KANK1: variants seen among roughly 807,000 people sequenced by gnomAD.
KANK1 encodes the protein KN motif and ankyrin repeat domains 1, also known as KN motif and ankyrin repeat domain-containing protein 1.
A neutral mutation model predicts 106.2 loss-of-function variants in KANK1; 109 were observed. The ratio of observed to expected loss-of-function variants is 1.03; its 90% CI spans 0.88 to 1.20. The LOEUF (loss-of-function observed/expected upper bound fraction) is 1.20, where lower values mean the gene tolerates loss of function less well. KANK1 is among the 50% of genes most tolerant of loss of function. KANK1 has a pLI of 0.00. For synonymous variants in KANK1, 873 were observed against 652.2 expected (o/e 1.34, Z -5.16); for missense variants, 2,399 against 1,710.7 (o/e 1.40, Z -7.10).
At chr9:697,796 A>G (rs1296117994) in intron 2 of KANK1, among the ~76,000 whole-genome samples, 8 of 152,174 alleles carry the variant, frequency 5.3e-5, no homozygotes. Context: ...TGGGGGTTCA[A>G]AAGAGTTTGA....
intron 3 of KANK1, among the ~76,000 whole-genome samples, chr9:473,937 A>G (rs1378768974): frequency 6.6e-6 from 1 of 151,176 alleles, no homozygotes; most frequent in Non-Finnish European, 1.5e-5. Flanking sequence ...TGACCTTGTG[A>G]TCTGCCCACC....
upstream of KANK1, among the ~76,000 whole-genome samples, chr9:503,677 C>T (rs193091498): frequency 1.8e-4 from 28 of 152,298 alleles, no homozygotes; most frequent in Admixed American, 1.6e-3. Flanking sequence ...GCAGAGCTAA[C>T]ATTGTTTTTT....
chr9:524,742 C>T lies in KANK1; in HGVS notation c.-84+19988C>T, dbSNP rs369895306. The stretch of plus-strand genomic sequence containing the variant: ...CATGTTGGCCAGCTGGTCTCAAACT[C>T]CTGACCTCAGGTGATCTGCTGGTCT... On this transcript the variant is annotated intron_variant, in intron 1 of 11. Transcript: ENST00000382297. Among the ~76,000 whole-genome samples the T allele has an allele frequency of 6.1e-4, 93 of 151,606 alleles. 2 individuals carry two copies. The South Asian group carries it at 0.019, about 31-fold the overall frequency.
chr9:534,063 A>AG (rs551186755), intron 1 of KANK1, among the ~76,000 whole-genome samples: 123 of 151,752 alleles, frequency 8.1e-4, no homozygotes, highest in South Asian at 4.0e-3. Flanking sequence ...ATTGGGAGAA[A>AG]GGGGGGGGCA....
chr9:619,416 G>A (rs1036584847), intron 1 of KANK1, among the ~76,000 whole-genome samples: 2 of 152,176 alleles, frequency 1.3e-5, no homozygotes, highest in African/African-American at 4.8e-5. Flanking sequence ...GATGGGTAGA[G>A]TATAATTGTC....
At chr9:625,766 CT>C (rs1429398617) in intron 1 of KANK1, among the ~76,000 whole-genome samples, 6 of 152,130 alleles carry the variant, frequency 3.9e-5, no homozygotes, top group South Asian at 2.1e-4. Context: ...AAACATGGAC[CT>C]GTGCTTTAAA....
intron 2 of KANK1, among the ~76,000 whole-genome samples, chr9:692,679 A>C (rs1820264320): frequency 6.6e-6 from 1 of 150,476 alleles, no homozygotes; most frequent in South Asian, 2.1e-4. Flanking sequence ...TTATGTTATC[A>C]TTTACTTTTG....
At chr9:645,112 A>G (rs1471934868) in intron 1 of KANK1, among the ~76,000 whole-genome samples, 1 of 125,690 alleles carries the variant, frequency 8.0e-6, no homozygotes, top group Non-Finnish European at 1.5e-5. Context: ...CAACGGGGCA[A>G]GACTCCATCT....
intron 1 of KANK1, among the ~76,000 whole-genome samples, chr9:548,761 G>T (rs529144236): frequency 4.1e-4 from 62 of 152,132 alleles, no homozygotes; most frequent in African/African-American, 1.5e-3. Flanking sequence ...GTTTTATAAT[G>T]ACCACGTTAT....
At chr9:671,712 T>C (rs1815172494) in intron 1 of KANK1, among the ~76,000 whole-genome samples, 1 of 151,202 alleles carries the variant, frequency 6.6e-6, no homozygotes, top group African/African-American at 2.4e-5. Context: ...CTCCAAGGAA[T>C]AAGGTTGCAA....
At chr9:596,117 GTT>G (rs1301960631) in intron 1 of KANK1, among the ~76,000 whole-genome samples, 2 of 151,804 alleles carry the variant, frequency 1.3e-5, no homozygotes, top group African/African-American at 4.9e-5. Context: ...ATGAAATAAA[GTT>G]TTGACCGCAT....
rs566946486 is a variant in KANK1, at chr9:743,866, C to G, written c.3898-625C>G. On this transcript the variant is annotated intron_variant, in intron 10 of 11. Coordinates refer to ENST00000382297, the MANE Select transcript of KANK1 (RefSeq NM_015158.5). ...GACAAACCCTGTCTCAAAAAACACA[C>G]TAGACAGAAGACAAGTTGTGTTGTT... Among the ~76,000 whole-genome samples, 29 of 152,322 alleles carry G rather than the reference C, an allele frequency of 1.9e-4. 1 individual carries two copies. The South Asian group carries it at 5.4e-3, about 28-fold the overall frequency.
At chr9:614,961 C>A (rs1054994189) in intron 1 of KANK1, among the ~76,000 whole-genome samples, 4 of 151,772 alleles carry the variant, frequency 2.6e-5, no homozygotes, top group Admixed American at 2.6e-4. Flanking sequence ...CCCCCCCCTG[C>A]CCTTTTTTTG....
intron 5 of KANK1, 197 bp from the exon 6 acceptor site, chr9:732,181 C>T (rs564017004): frequency 1.2e-4 from 68 of 556,016 alleles, no homozygotes; most frequent in Admixed American, 2.2e-4. Flanking sequence ...TTATATGATA[C>T]CGATAACCAG....
intron 1 of KANK1, among the ~76,000 whole-genome samples, chr9:611,293 C>G (rs1487110890): frequency 6.6e-6 from 1 of 152,180 alleles, no homozygotes; most frequent in Non-Finnish European, 1.5e-5. Context: ...GAACCAAGAG[C>G]CCAGCCCACG....
At chr9:527,126 CTG>C (rs2059826587) in intron 1 of KANK1, among the ~76,000 whole-genome samples, 1 of 151,748 alleles carries the variant, frequency 6.6e-6, no homozygotes, top group Non-Finnish European at 1.5e-5. Context: ...ACCTTCCTTT[CTG>C]TGTGTTTGCA....
At chr9:477,509 A>G (rs1437963669) in intron 3 of KANK1, among the ~76,000 whole-genome samples, 1 of 152,198 alleles carries the variant, frequency 6.6e-6, no homozygotes, top group African/African-American at 2.4e-5. Context: ...AGGTGTCCCT[A>G]CTGCACAGAA....
intron 1 of KANK1, among the ~76,000 whole-genome samples, chr9:637,368 T>C (rs1837392981): frequency 6.6e-6 from 1 of 152,232 alleles, no homozygotes; most frequent in South Asian, 2.1e-4. Context: ...GGCACTTGTA[T>C]AGCCCATTTT....
At chr9:735,702 C>A in intron 7 of KANK1, 1 of 429,548 alleles carries the variant, frequency 2.3e-6, no homozygotes, top group Non-Finnish European at 4.9e-6. Flanking sequence ...TATCATAATA[C>A]CTAATACAGG....
Sources: allele counts gnomAD v4.1 joint callset (sites outside exome capture counted in the v4.1 genomes callset), GRCh38; gene constraint gnomAD v4.1.1; transcripts MANE v1.5; gene names NCBI Gene and HGNC (gene_info 2026-07-23, HGNC 2026-07-21).